CFAP91: variants seen among roughly 807,000 people sequenced by gnomAD.
CFAP91 encodes cilia and flagella associated protein 91.
In CFAP91, 85 loss-of-function variants were observed where a neutral mutation model predicts 95.9. The ratio of observed to expected loss-of-function variants is 0.89; its 90% CI spans 0.74 to 1.06. The LOEUF is 1.06. Among genes scored for constraint, CFAP91 ranks in the 50% least tolerant of loss-of-function variants. The pLI is 0.00. For synonymous variants in CFAP91, 335 were observed against 327.5 expected (o/e 1.02, Z -0.25); for missense variants, 962 against 943.4 (o/e 1.02, Z -0.26).
rs966395088 is a variant in CFAP91 at position 119,726,405 on chromosome 3, C to T, written c.860+57C>T. On this transcript the variant is annotated intron_variant, in intron 7 of 17. Coordinates refer to ENST00000273390, the MANE Select transcript of CFAP91 (RefSeq NM_033364.4). The stretch of plus-strand genomic sequence containing the variant: ...TGCACTGGTGGGAATAATGTTAATA[C>T]TTTATATCTGCAAAGCATTCTCCCA... 9.6e-5 allele frequency: 141 copies of T among 1,461,372 alleles called. No individual in the cohort carries two copies. In the Admixed American group the frequency reaches 1.5e-3, roughly 15 times the overall value. 90.5% of individuals were successfully genotyped at this position (1,461,372 alleles called of 1,614,324 possible).
At chr3:119,743,393 C>T (rs573227204) in intron 13 of CFAP91, among the ~76,000 whole-genome samples, 126 of 152,314 alleles carry the variant, frequency 8.3e-4, no homozygotes, top group African/African-American at 2.9e-3. Context: ...GCTGGGATTA[C>T]AGGCCTGAGC....
At chr3:119,747,681 T>G (rs2054249748) in intron 15 of CFAP91, 130 bp from the exon 16 acceptor site, 1 of 765,642 alleles carries the variant, frequency 1.3e-6, no homozygotes, top group African/African-American at 1.8e-5. Context: ...ATGTGATATT[T>G]CAGATCACTT....
chr3:119,737,731 A>C (rs1234857192), intron 11 of CFAP91, among the ~76,000 whole-genome samples: 1 of 152,252 alleles, frequency 6.6e-6, no homozygotes, highest in African/African-American at 2.4e-5. Context: ...AAAAATCAGC[A>C]TCAGAAGGTA....
chr3:119,730,060 C>A (rs1306991532), intron 7 of CFAP91, among the ~76,000 whole-genome samples, 160 bp from the exon 8 acceptor site: 1 of 152,164 alleles, frequency 6.6e-6, no homozygotes, highest in African/African-American at 2.4e-5. Context: ...TTGCCTCCCC[C>A]ACGCCCTCAA....
intron 9 of CFAP91, 78 bp downstream of exon 9, chr3:119,732,554 AT>A: frequency 9.8e-7 from 1 of 1,023,022 alleles, no homozygotes; most frequent in Non-Finnish European, 1.4e-6. Context: ...AAATGTAGAA[AT>A]TTAGATTAAA....
chr3:119,726,395 A>G, intron 7 of CFAP91, 47 bp downstream of exon 7: 1 of 1,527,272 alleles, frequency 6.5e-7, no homozygotes, highest in Non-Finnish European at 8.9e-7. Context: ...TGGTGGGAAT[A>G]ATGTTAATAC....
intron 17 of CFAP91, among the ~76,000 whole-genome samples, chr3:119,754,635 G>T (rs905615082): frequency 1.3e-5 from 2 of 152,164 alleles, no homozygotes; most frequent in Non-Finnish European, 2.9e-5. Flanking sequence ...TATTCTTCAA[G>T]AAGAAGGAAA....
intron 14 of CFAP91, among the ~76,000 whole-genome samples, 197 bp from the exon 15 acceptor site, chr3:119,746,918 G>A (rs1404122443): frequency 3.3e-5 from 5 of 152,180 alleles, no homozygotes; most frequent in African/African-American, 7.2e-5. Context: ...ATGGGTGTGG[G>A]CTGCCCAGAG....
intron 17 of CFAP91, among the ~76,000 whole-genome samples, chr3:119,759,908 G>A (rs1049910597): frequency 6.6e-6 from 1 of 151,794 alleles, no homozygotes; most frequent in African/African-American, 2.4e-5. Context: ...AAGAAATCAA[G>A]GCATGGCGCT....
At chr3:119,728,528 T>C (rs2053829677) in intron 7 of CFAP91, among the ~76,000 whole-genome samples, 1 of 152,312 alleles carries the variant, frequency 6.6e-6, no homozygotes, top group Non-Finnish European at 1.5e-5. Flanking sequence ...TTGAGGTCAG[T>C]GGTGACATGG....
Position 119,738,332 on chromosome 3 carries a change from CTTTTTTTTTTTTTTTTT to C in CFAP91, c.1461+868_1461+884del, listed in dbSNP as rs556125660. 3.6e-3 allele frequency among the ~76,000 whole-genome samples: 83 copies of C among 23,086 alleles called. 2 individuals are homozygous for C. The highest frequency in any genetic ancestry group is 6.1e-3 in the Non-Finnish European group (58 of 9,476). 15.1% of individuals were successfully genotyped at this position (23,086 alleles called of 152,430 possible). On this transcript the variant is annotated intron_variant, in intron 11 of 17. Coordinates refer to ENST00000273390, the MANE Select transcript of CFAP91 (RefSeq NM_033364.4). Reference sequence around the variant, plus strand: ...TGCAGGGCTTTGGTTGACATATTGTCTTTTTTTTTTTTTTTTTTTTTTTTTTTTTTTTTTGAGACAGA... The same window carrying C: ...TGCAGGGCTTTGGTTGACATATTGTCTTTTTTTTTTTTTTTTTGAGACAGA...
intron 7 of CFAP91, among the ~76,000 whole-genome samples, chr3:119,728,912 G>A (rs757824251): frequency 2.1e-4 from 32 of 152,116 alleles, no homozygotes; most frequent in African/African-American, 6.5e-4. Context: ...GGGAAATGTC[G>A]GTTCTTATGC....
rs1436262397 is a variant in CFAP91, at chr3:119,766,856, C to A, written c.*1806C>A. The A allele has an allele frequency of 6.6e-6, 1 of 152,118 alleles. No individual in the cohort carries two copies. The highest frequency in any genetic ancestry group is 2.4e-5 in the African/African-American group (1 of 41,410). The allele number at this position is 152,118 out of a possible 1,614,324, so 9.4% of individuals were successfully genotyped here. On this transcript the variant is annotated 3_prime_UTR_variant, in exon 18 of 18. Coordinates refer to ENST00000273390, the MANE Select transcript of CFAP91 (RefSeq NM_033364.4). ...AATGAAACTTAAAATATGATATTTTCTTTAAAAATCTTTATCCTTATGTAG... is the reference window on the plus strand; with the variant it reads ...AATGAAACTTAAAATATGATATTTTATTTAAAAATCTTTATCCTTATGTAG...
chr3:119,753,322 T>C (rs2054360715), intron 17 of CFAP91, among the ~76,000 whole-genome samples: 1 of 152,170 alleles, frequency 6.6e-6, no homozygotes, highest in Non-Finnish European at 1.5e-5. Flanking sequence ...ACTCTAAAAG[T>C]CTATGCCCTA....
intron 17 of CFAP91, among the ~76,000 whole-genome samples, chr3:119,751,744 T>C (rs1359830431): frequency 6.6e-6 from 1 of 152,090 alleles, no homozygotes; most frequent in Non-Finnish European, 1.5e-5. Flanking sequence ...GCAGATACAA[T>C]ACAAGGAAAA....
intron 1 of CFAP91, chr3:119,705,828 A>AAGGAG (rs1451124860): frequency 6.6e-6 from 1 of 152,184 alleles, no homozygotes; most frequent in Non-Finnish European, 1.5e-5. Flanking sequence ...GTGTTGAATG[A>AAGGAG]AGGAGCAAAA....
chr3:119,728,124 GATA>G (rs370728663), intron 7 of CFAP91, among the ~76,000 whole-genome samples: 67 of 145,260 alleles, frequency 4.6e-4, no homozygotes, highest in African/African-American at 1.8e-3. Flanking sequence ...ATAATAATAT[GATA>G]ATGATGATGA....
At chr3:119,713,919 GT>G (rs961518470) in intron 5 of CFAP91, among the ~76,000 whole-genome samples, 5 of 151,804 alleles carry the variant, frequency 3.3e-5, no homozygotes, top group African/African-American at 1.2e-4. Context: ...CATTATGGCT[GT>G]TTCATATTTT....
chr3:119,731,403 A>T (rs2053894732), intron 8 of CFAP91, among the ~76,000 whole-genome samples: 1 of 152,246 alleles, frequency 6.6e-6, no homozygotes, highest in African/African-American at 2.4e-5. Context: ...ACTTAAATTT[A>T]AAATTTTTCT....
Sources: allele counts gnomAD v4.1 joint callset (sites outside exome capture counted in the v4.1 genomes callset), GRCh38; gene constraint gnomAD v4.1.1; transcripts MANE v1.5; gene names NCBI Gene and HGNC (gene_info 2026-07-23, HGNC 2026-07-21).